The following MKLN1 variants were observed in gnomAD, a reference collection of about 807,000 sequenced individuals.
The protein encoded by MKLN1 is muskelin.
In MKLN1, 18 loss-of-function variants were observed where a neutral mutation model predicts 99.0. The ratio of observed to expected loss-of-function variants is 0.18; its 90% CI spans 0.13 to 0.27. The LOEUF (loss-of-function observed/expected upper bound fraction) is 0.27, where lower values mean the gene tolerates loss of function less well. MKLN1 is among the 10% of genes least tolerant of loss of function. MKLN1 has a pLI of 1.00. For synonymous variants in MKLN1, 288 were observed against 293.2 expected, an observed-to-expected ratio of 0.98 and a Z score of 0.18; for missense variants, 621 against 875.9, an observed-to-expected ratio of 0.71 and a Z score of 3.67.
At chr7:131,368,052 G>A (rs1388062211) in intron 1 of MKLN1, among the ~76,000 whole-genome samples, 2 of 152,122 alleles carry the variant, frequency 1.3e-5, no homozygotes, top group Non-Finnish European at 2.9e-5. Context: ...TACAAGGGAG[G>A]ATAATAATGA....
intron 3 of MKLN1, among the ~76,000 whole-genome samples, chr7:131,215,757 T>A (rs970521372): frequency 6.6e-6 from 1 of 152,216 alleles, no homozygotes; most frequent in Non-Finnish European, 1.5e-5. Context: ...GGAGATACCA[T>A]GGATTCAGTC....
intron 2 of MKLN1, among the ~76,000 whole-genome samples, chr7:131,201,170 C>T (rs890281842): frequency 6.6e-6 from 1 of 152,134 alleles, no homozygotes; most frequent in African/African-American, 2.4e-5. Flanking sequence ...CAGGCACCCA[C>T]CACCACACCT....
chr7:131,387,495 T>C (rs905155342), intron 3 of MKLN1, among the ~76,000 whole-genome samples: 1 of 152,176 alleles, frequency 6.6e-6, no homozygotes, highest in Non-Finnish European at 1.5e-5. Context: ...AAACAAACTT[T>C]TTTGTTTCAT....
chr7:131,444,750 GT>G (rs1795950434), intron 11 of MKLN1, among the ~76,000 whole-genome samples: 44 of 94,502 alleles, frequency 4.7e-4, no homozygotes, highest in South Asian at 1.9e-3. Flanking sequence ...AGTAGTAGTA[GT>G]AGTAGTAGAA....
chr7:131,376,150 T>TGTATGTATGTA, intron 2 of MKLN1, among the ~76,000 whole-genome samples: 2 of 111,460 alleles, frequency 1.8e-5, no homozygotes, highest in African/African-American at 3.0e-5. Context: ...GATGTATGTA[T>TGTATGTATGTA]TTTTTTTTCT....
chr7:131,114,237 G>GATATATCC (rs1397648517), intron 1 of MKLN1, among the ~76,000 whole-genome samples: 1 of 152,180 alleles, frequency 6.6e-6, no homozygotes, highest in Non-Finnish European at 1.5e-5. Flanking sequence ...ATATCCTGCA[G>GATATATCC]ATATATCCTG....
In MKLN1 at chr7:131,277,213, A is replaced by C. The variant is rs144920026; in HGVS notation, c.-179+74239A>C. On this transcript the variant is annotated intron_variant, in intron 3 of 7. Coordinates refer to the MKLN1 transcript ENST00000416992. ...AATGTACAAATATACAGTTAGAAGA[A>C]AGAAAACCTAATGTTTGATAGATCA... Among the ~76,000 whole-genome samples the C allele has an allele frequency of 5.0e-3, 763 of 152,280 alleles. 6 individuals carry two copies. The highest frequency in any genetic ancestry group is 0.017 in the African/African-American group (727 of 41,568).
At chr7:131,363,301 A>G (rs959366257) in intron 1 of MKLN1, among the ~76,000 whole-genome samples, 4 of 151,602 alleles carry the variant, frequency 2.6e-5, no homozygotes, top group African/African-American at 4.8e-5. Context: ...CTTTAAATGT[A>G]TTTTACTGTT....
At chr7:131,181,700 C>G (rs916016978) in intron 2 of MKLN1, among the ~76,000 whole-genome samples, 1 of 150,754 alleles carries the variant, frequency 6.6e-6, no homozygotes, top group Non-Finnish European at 1.5e-5. Flanking sequence ...CGTTCTGTCA[C>G]CCAGGCTGGA....
intron 1 of MKLN1, among the ~76,000 whole-genome samples, chr7:131,134,700 T>G (rs12706962): frequency 0.53 from 80,748 of 152,002 alleles, 22,396 homozygotes; most frequent in Admixed American, 0.65. Flanking sequence ...TTGGACTTGT[T>G]ACTACCCTTC....
At chr7:131,350,849 A>C (rs183151831) in intron 1 of MKLN1, among the ~76,000 whole-genome samples, 8 of 152,348 alleles carry the variant, frequency 5.3e-5, no homozygotes, top group African/African-American at 1.9e-4. Context: ...GTGAATTCTC[A>C]GTGGTGGGGA....
chr7:131,262,416 G>A (rs1046442084), intron 3 of MKLN1, among the ~76,000 whole-genome samples: 2 of 151,958 alleles, frequency 1.3e-5, no homozygotes, highest in Admixed American at 6.5e-5. Flanking sequence ...CAGCCTGGGC[G>A]ACAGAGCGAG....
At position 131,397,357 on chromosome 7, in the gene MKLN1, G is replaced by C; in HGVS notation, c.491G>C (p.Cys164Ser). The part of the protein sequence containing the change: ...GIDDPDIVQP[C>S]LNWYSKYREQ... ...GATGATCCTGATATAGTACAACCTT[G>C]TCTCAACTGGTATAGCAAGGTAGGA... Residue 164 changes from cysteine to serine, a missense_variant, in exon 5 of 18, where the codon TGT becomes TCT. Physicochemically the swap from Cys to Ser is moderately radical, Grantham distance 112. This residue lies in a region of MKLN1 where 361 missense variants were observed against 540.8 expected (regional missense o/e 0.67). Coordinates refer to ENST00000352689, the MANE Select transcript of MKLN1 (RefSeq NM_013255.5). 6.2e-7 allele frequency: 1 copy of C among 1,603,806 alleles called. No individual in the cohort carries two copies. Among genetic ancestry groups the C allele is most frequent in the Non-Finnish European group, 8.5e-7 (1 of 1,172,294 alleles).
chr7:131,154,179 C>T (rs946724851), intron 2 of MKLN1, among the ~76,000 whole-genome samples: 2 of 151,984 alleles, frequency 1.3e-5, no homozygotes, highest in Admixed American at 1.3e-4. Flanking sequence ...ATTCACATCA[C>T]AAAATATTAA....
At chr7:131,136,446 C>G (rs145737745) in intron 1 of MKLN1, among the ~76,000 whole-genome samples, 1 of 152,242 alleles carries the variant, frequency 6.6e-6, no homozygotes, top group Non-Finnish European at 1.5e-5. Flanking sequence ...CAGTTCCCCA[C>G]TGGAGTACAA....
At chr7:131,318,182 TA>T (rs1299410163) in intron 3 of MKLN1, among the ~76,000 whole-genome samples, 1 of 152,214 alleles carries the variant, frequency 6.6e-6, no homozygotes, top group Admixed American at 6.5e-5. Context: ...TCATGGCAGT[TA>T]TTCTAAAATT....
At chr7:131,399,584 C>T in intron 6 of MKLN1, 151 bp downstream of exon 6, 1 of 642,432 alleles carries the variant, frequency 1.6e-6, no homozygotes, top group East Asian at 2.8e-5. Flanking sequence ...GGATTAGGGA[C>T]TTCTTTCATG....
At chr7:131,455,306 T>C (rs1046046622) in intron 12 of MKLN1, among the ~76,000 whole-genome samples, 2 of 152,062 alleles carry the variant, frequency 1.3e-5, no homozygotes, top group Non-Finnish European at 2.9e-5. Flanking sequence ...TCTGACAATC[T>C]CTCCCATTTG....
intron 1 of MKLN1, among the ~76,000 whole-genome samples, chr7:131,360,920 A>G (rs1800010507): frequency 6.6e-6 from 1 of 152,062 alleles, no homozygotes; most frequent in Non-Finnish European, 1.5e-5. Flanking sequence ...ATAGATGTCT[A>G]GGTTAGTGTT....
Sources: gnomAD v4.1 joint callset for allele counts (sites outside exome capture counted in the v4.1 genomes callset) on GRCh38, gnomAD v4.1.1 for gene constraint, gnomAD v4.1.1 regional missense constraint, MANE v1.5 for transcripts, NCBI Gene and HGNC (gene_info 2026-07-23, HGNC 2026-07-21) for gene names.